Variants in PDILT observed in about 807,000 individuals in gnomAD.
PDILT encodes protein disulfide-isomerase-like protein of the testis.
In PDILT, 43 loss-of-function variants were observed where a neutral mutation model predicts 53.7. The observed-to-expected ratio is 0.80, with a 90% CI of 0.63 to 1.03. The LOEUF is 1.03. Among genes scored for constraint, PDILT ranks in the 50% least tolerant of loss-of-function variants. The pLI is 0.00. For synonymous variants in PDILT, 282 were observed against 274.2 expected, an observed-to-expected ratio of 1.03 and a Z score of -0.28; for missense variants, 727 against 712.3, an observed-to-expected ratio of 1.02 and a Z score of -0.24.
intron 7 of PDILT, among the ~76,000 whole-genome samples, chr16:20,370,033 G>A (rs942857616): frequency 1.3e-5 from 2 of 152,192 alleles, no homozygotes; most frequent in Non-Finnish European, 2.9e-5. Context: ...GACAATGTAT[G>A]GAAAGGCTTA....
chr16:20,366,958 TC>T (rs1567320265), intron 8 of PDILT, among the ~76,000 whole-genome samples: 5 of 140,624 alleles, frequency 3.6e-5, no homozygotes, highest in African/African-American at 1.4e-4. Context: ...CTTCCTTCCT[TC>T]CTTCCTTCCT....
At chr16:20,375,073 G>T in intron 4 of PDILT, 114 bp from the exon 5 acceptor site, 1 of 1,202,962 alleles carries the variant, frequency 8.3e-7, no homozygotes. Flanking sequence ...CAAGTTCTGG[G>T]GTTTGCCTGG....
intron 8 of PDILT, 24 bp from the exon 9 acceptor site, chr16:20,365,564 T>C (rs749767083): frequency 3.7e-6 from 6 of 1,612,964 alleles, no homozygotes; most frequent in Non-Finnish European, 5.1e-6. Flanking sequence ...TTGAGAGGCC[T>C]AAGAGTCTTC....
chr16:20,382,875 C>T (rs2141608883), intron 3 of PDILT, among the ~76,000 whole-genome samples: 1 of 152,288 alleles, frequency 6.6e-6, no homozygotes, highest in Non-Finnish European at 1.5e-5. Flanking sequence ...CTTTAGAGGA[C>T]CCAGGAGTGC....
At chr16:20,365,361 A>G in intron 9 of PDILT, 59 bp downstream of exon 9, 1 of 1,589,684 alleles carries the variant, frequency 6.3e-7, no homozygotes, top group Non-Finnish European at 8.6e-7. Context: ...ATTCAGGAGA[A>G]ACACTTGAAA....
At chr16:20,389,126 G>T (rs910754271) in intron 2 of PDILT, among the ~76,000 whole-genome samples, 1 of 152,070 alleles carries the variant, frequency 6.6e-6, no homozygotes, top group African/African-American at 2.4e-5. Context: ...CTGTAGATAG[G>T]CAGAGGCCAA....
At chr16:20,389,565 CACA>C (rs1966583016) in intron 2 of PDILT, among the ~76,000 whole-genome samples, 1 of 152,134 alleles carries the variant, frequency 6.6e-6, no homozygotes. Flanking sequence ...AACCATCCAC[CACA>C]AGTTCTAGGC....
rs758522370 is a variant in PDILT, at chr16:20,365,457, G to T, written c.1200C>A (p.Val400=). The change falls in exon 9 of 12, where the codon GTC becomes GTA. Residue 400 remains valine (V), a synonymous_variant. Coordinates refer to ENST00000302451, the MANE Select transcript of PDILT (RefSeq NM_174924.2). ...ATACGTCCTTTTCTTTGTCAAAGAC[G>T]ACTACGTTGAAGTTCTTCCCCACGA... ...KQLVGKNFNV[V]VFDKEKDVFV... is the part of the protein sequence containing the mutation. 1 of 1,613,914 alleles carries T rather than the reference G, an allele frequency of 6.2e-7. No homozygotes were observed. The highest frequency in any genetic ancestry group is 1.1e-5 in the South Asian group (1 of 91,084).
At chr16:20,382,310 A>G (rs544038042) in intron 3 of PDILT, among the ~76,000 whole-genome samples, 2 of 152,352 alleles carry the variant, frequency 1.3e-5, no homozygotes, top group African/African-American at 2.4e-5. Context: ...GTACAGCGCA[A>G]TGTAAAGCGG....
chr16:20,386,543 A>G (rs939562302), intron 2 of PDILT, among the ~76,000 whole-genome samples: 1 of 152,176 alleles, frequency 6.6e-6, no homozygotes, highest in Admixed American at 6.5e-5. Flanking sequence ...ACAGCTGGCG[A>G]GGGCCCCGTT....
intron 1 of PDILT, among the ~76,000 whole-genome samples, chr16:20,402,444 G>A (rs539089143): frequency 7.2e-5 from 11 of 152,148 alleles, no homozygotes; most frequent in South Asian, 2.1e-4. Flanking sequence ...GATTATAGGC[G>A]CGTGCCATCA....
chr16:20,387,644 C>T (rs1169655958), intron 2 of PDILT, among the ~76,000 whole-genome samples: 4 of 150,524 alleles, frequency 2.7e-5, no homozygotes, highest in Admixed American at 6.6e-5. Context: ...TTTTTTTAGA[C>T]GGATCTTGTT....
chr16:20,383,986 G>A (rs1221197419), intron 3 of PDILT, among the ~76,000 whole-genome samples: 1 of 152,212 alleles, frequency 6.6e-6, no homozygotes. Context: ...ATGAATGAAC[G>A]AGTTAATCAA....
intron 5 of PDILT, 126 bp downstream of exon 5, chr16:20,374,696 C>A: frequency 1.9e-6 from 2 of 1,079,248 alleles, no homozygotes; most frequent in Non-Finnish European, 2.6e-6. Flanking sequence ...TGTGACTTCA[C>A]AGAAGTCAAC....
intron 10 of PDILT, among the ~76,000 whole-genome samples, chr16:20,361,342 C>A (rs555938043): frequency 6.6e-6 from 1 of 152,006 alleles, no homozygotes; most frequent in Non-Finnish European, 1.5e-5. Context: ...TGCACCACCA[C>A]GACTGGCTAA....
At chr16:20,366,177 A>T (rs1966189104) in intron 8 of PDILT, among the ~76,000 whole-genome samples, 1 of 151,984 alleles carries the variant, frequency 6.6e-6, no homozygotes, top group South Asian at 2.1e-4. Context: ...TAAAACCTTG[A>T]TCACACTTTG....
intron 1 of PDILT, among the ~76,000 whole-genome samples, chr16:20,403,329 G>A (rs1421021585): frequency 2.6e-5 from 4 of 152,116 alleles, no homozygotes; most frequent in Non-Finnish European, 4.4e-5. Flanking sequence ...TGCTCTTGTT[G>A]CCCAGGCTGG....
intron 1 of PDILT, among the ~76,000 whole-genome samples, chr16:20,399,747 T>A (rs1302502299): frequency 1.7e-5 from 2 of 119,528 alleles, no homozygotes; most frequent in African/African-American, 3.2e-5. Context: ...CTCCAGCTCC[T>A]GCTTGAATGC....
chr16:20,389,993 G>A (rs927327652), intron 2 of PDILT, among the ~76,000 whole-genome samples: 10 of 152,146 alleles, frequency 6.6e-5, no homozygotes, highest in African/African-American at 2.4e-4. Flanking sequence ...ACAATGCTCA[G>A]GACAGCCCCC....
Sources: gnomAD v4.1 joint callset for allele counts (sites outside exome capture counted in the v4.1 genomes callset) on GRCh38, gnomAD v4.1.1 for gene constraint, MANE v1.5 for transcripts, NCBI Gene and HGNC (gene_info 2026-07-23, HGNC 2026-07-21) for gene names.